Variants in DYNC1I1 observed in about 807,000 individuals in gnomAD.
The protein encoded by DYNC1I1 is cytoplasmic dynein 1 intermediate chain 1.
A neutral mutation model predicts 86.6 loss-of-function variants in DYNC1I1; 43 were observed. The ratio of observed to expected loss-of-function variants is 0.50; its 90% CI spans 0.39 to 0.64. The LOEUF is 0.64. Among genes scored for constraint, DYNC1I1 ranks in the 30% least tolerant of loss-of-function variants. DYNC1I1 has a pLI of 0.00. For missense variants in DYNC1I1, 604 were observed against 788.8 expected (o/e 0.77, Z 2.81); for synonymous variants, 262 against 283.7 (o/e 0.92, Z 0.77).
chr7:95,820,074 G>A (rs1037874694), intron 4 of DYNC1I1, among the ~76,000 whole-genome samples: 3 of 152,116 alleles, frequency 2.0e-5, no homozygotes, highest in Non-Finnish European at 2.9e-5. Context: ...AGTGTGGCTC[G>A]CTCTGGAGCT....
chr7:95,809,039 A>G, intron 2 of DYNC1I1, among the ~76,000 whole-genome samples: 1 of 152,294 alleles, frequency 6.6e-6, no homozygotes, highest in East Asian at 1.9e-4. Flanking sequence ...TTAAACTGCC[A>G]TTTCATAATT....
intron 1 of DYNC1I1, among the ~76,000 whole-genome samples, chr7:95,789,387 A>G (rs775297859): frequency 6.6e-6 from 1 of 152,236 alleles, no homozygotes; most frequent in East Asian, 1.9e-4. Context: ...TTGATTTTCT[A>G]CACTCTTATC....
intron 6 of DYNC1I1, among the ~76,000 whole-genome samples, chr7:95,897,116 T>C (rs576651091): frequency 8.8e-4 from 134 of 152,282 alleles, no homozygotes; most frequent in African/African-American, 3.0e-3. Context: ...AAGCCTTTAA[T>C]TGGGTGAGGA....
chr7:95,920,545 T>C (rs1791584185), intron 6 of DYNC1I1, among the ~76,000 whole-genome samples: 1 of 152,178 alleles, frequency 6.6e-6, no homozygotes, highest in African/African-American at 2.4e-5. Context: ...ATGTGAACAA[T>C]AGGGAAAACT....
chr7:95,968,469 A>G (rs989168334), intron 6 of DYNC1I1, among the ~76,000 whole-genome samples: 13 of 152,104 alleles, frequency 8.5e-5, no homozygotes, highest in African/African-American at 3.1e-4. Context: ...GTTTCTATTT[A>G]TTTTACTCTT....
chr7:95,856,957 C>T (rs1472091783), intron 5 of DYNC1I1, among the ~76,000 whole-genome samples: 1 of 151,214 alleles, frequency 6.6e-6, no homozygotes, highest in East Asian at 1.9e-4. Context: ...CCAGCCTGGG[C>T]GACAGAGTGA....
intron 6 of DYNC1I1, among the ~76,000 whole-genome samples, chr7:95,932,073 C>G (rs1791914257): frequency 6.6e-6 from 1 of 152,126 alleles, no homozygotes; most frequent in South Asian, 2.1e-4. Flanking sequence ...TTCCATTTAA[C>G]AGAATACCTT....
intron 14 of DYNC1I1, among the ~76,000 whole-genome samples, chr7:96,058,107 A>G (rs1386450730): frequency 6.6e-6 from 1 of 152,218 alleles, no homozygotes; most frequent in Admixed American, 6.5e-5. Flanking sequence ...ATTGCAAAAC[A>G]TGCAAGAATA....
intron 5 of DYNC1I1, among the ~76,000 whole-genome samples, chr7:95,832,080 A>G (rs1379394903): frequency 6.9e-6 from 1 of 145,032 alleles, no homozygotes; most frequent in Non-Finnish European, 1.5e-5. Context: ...AACTCGTCAT[A>G]TAGCATTAGG....
intron 1 of DYNC1I1, among the ~76,000 whole-genome samples, chr7:95,794,047 T>G (rs1301196143): frequency 6.6e-6 from 1 of 152,226 alleles, no homozygotes; most frequent in Non-Finnish European, 1.5e-5. Flanking sequence ...TTTGTTTGGC[T>G]TCTTTGCCTG....
At chr7:95,889,625 AAAG>A (rs1404983573) in intron 6 of DYNC1I1, among the ~76,000 whole-genome samples, 4 of 152,212 alleles carry the variant, frequency 2.6e-5, no homozygotes, top group African/African-American at 9.6e-5. Flanking sequence ...CTGCACAGCA[AAAG>A]AAACCATCCA....
intron 1 of DYNC1I1, among the ~76,000 whole-genome samples, chr7:95,788,043 T>C (rs775211470): frequency 4.6e-5 from 7 of 152,078 alleles, no homozygotes; most frequent in Non-Finnish European, 1.0e-4. Flanking sequence ...AGGAAAGTGA[T>C]AGGGTTGTGT....
chr7:95,984,733 G>A (rs899105924), intron 7 of DYNC1I1, 82 bp from the exon 8 acceptor site: 2 of 1,382,674 alleles, frequency 1.4e-6, no homozygotes, highest in African/African-American at 3.0e-5. Flanking sequence ...TCTCTCTCAA[G>A]AATTGGGTTC....
At chr7:95,879,938 G>A (rs868338376) in intron 6 of DYNC1I1, among the ~76,000 whole-genome samples, 13 of 152,102 alleles carry the variant, frequency 8.5e-5, no homozygotes, top group African/African-American at 2.4e-4. Flanking sequence ...TTATACTAAC[G>A]TTCTCCCCAG....
intron 6 of DYNC1I1, among the ~76,000 whole-genome samples, chr7:95,909,984 T>G (rs1222881769): frequency 1.3e-5 from 2 of 152,202 alleles, no homozygotes; most frequent in Non-Finnish European, 2.9e-5. Flanking sequence ...GAGGTGGTCC[T>G]GGGTCAGAAG....
chr7:95,864,429 T>G (rs936210404), intron 5 of DYNC1I1, among the ~76,000 whole-genome samples: 4 of 152,240 alleles, frequency 2.6e-5, no homozygotes, highest in Non-Finnish European at 5.9e-5. Context: ...GACCTGATTT[T>G]TCTTTTCAGA....
At chr7:95,808,775 AC>A (rs2115818934) in intron 2 of DYNC1I1, among the ~76,000 whole-genome samples, 1 of 152,200 alleles carries the variant, frequency 6.6e-6, no homozygotes, top group East Asian at 1.9e-4. Flanking sequence ...CTCTCCACCA[AC>A]AGAAATATAA....
At chr7:95,912,730 G>T (rs748077841) in intron 6 of DYNC1I1, among the ~76,000 whole-genome samples, 18 of 152,168 alleles carry the variant, frequency 1.2e-4, no homozygotes, top group Non-Finnish European at 2.6e-4. Context: ...TGTGTCCATT[G>T]TCTAGAGTCT....
In DYNC1I1 at chr7:95,846,295, A is replaced by T. The variant is rs375856461; in HGVS notation, c.374+18179A>T. 3.7e-4 allele frequency among the ~76,000 whole-genome samples: 57 copies of T among 152,290 alleles called. 2 individuals are homozygous for T. The South Asian group carries it at 5.4e-3, about 14-fold the overall frequency. ...AGTGTTGCCAAGTTCTATTATAATC[A>T]TGACTATTTTGATTCTTCTCTCATC... On this transcript the variant is annotated intron_variant, in intron 5 of 16. Transcript: ENST00000447467.
Sources: gnomAD v4.1 joint callset for allele counts (sites outside exome capture counted in the v4.1 genomes callset) on GRCh38, gnomAD v4.1.1 for gene constraint, MANE v1.5 for transcripts, NCBI Gene and HGNC (gene_info 2026-07-23, HGNC 2026-07-21) for gene names.